The following C8orf34 variants were observed in gnomAD, a reference collection of about 807,000 sequenced individuals.
C8orf34 encodes uncharacterized protein C8orf34.
C8orf34 carries 65 observed loss-of-function variants against 68.3 expected under a neutral mutation model. The observed-to-expected ratio is 0.95, with a 90% CI of 0.78 to 1.17. The LOEUF (loss-of-function observed/expected upper bound fraction) is 1.17, where lower values mean the gene tolerates loss of function less well. Ranked by LOEUF, C8orf34 falls within the 50% of genes most tolerant of loss-of-function variation. The probability of loss-of-function intolerance (pLI) is 0.00; values close to 1 mark genes in which losing one functional copy is unlikely to be tolerated. For synonymous variants in C8orf34, 244 were observed against 241.2 expected (o/e 1.01, Z -0.11); for missense variants, 664 against 655.4 (o/e 1.01, Z -0.14).
At chr8:68,678,369 T>C (rs146903228) in intron 8 of C8orf34, among the ~76,000 whole-genome samples, 65 of 152,148 alleles carry the variant, frequency 4.3e-4, no homozygotes, top group Admixed American at 2.2e-3. Context: ...CAACAACACA[T>C]TAGAAAGATC....
chr8:68,740,961 T>C lies in C8orf34; in HGVS notation c.1404+19524T>C, dbSNP rs146807847. On this transcript the variant is annotated intron_variant, in intron 10 of 13. Transcript: ENST00000518698. ...GGATGGAGCTGGAGGCTATTATCCT[T>C]AGCATACTAATACAGGAACAGAAAG... 1.6e-4 allele frequency among the ~76,000 whole-genome samples: 25 copies of C among 152,262 alleles called. 1 individual carries two copies. The East Asian group carries it at 3.9e-3, about 24-fold the overall frequency.
At position 68,785,409 on chromosome 8, in the gene C8orf34, T is replaced by C. The variant is rs568587982; in HGVS notation, c.1456-2034T>C. 4.8e-3 allele frequency among the ~76,000 whole-genome samples: 537 copies of C among 112,570 alleles called. 3 individuals carry two copies. Among genetic ancestry groups the C allele is most frequent in the African/African-American group, 0.025 (443 of 18,002 alleles). The allele number at this position is 112,570 out of a possible 152,430, so 73.9% of individuals were successfully genotyped here. A position where few individuals can be genotyped will look rare whatever the true frequency, so the allele number is the denominator to read the frequency against. ...AGAAACCTGGCTCCCCTCATCCATT[T>C]ACTTTACTGTTTGTTCATTTCCAGA... On this transcript the variant is annotated intron_variant, in intron 11 of 13. Transcript: ENST00000518698.
chr8:68,561,138 A>G (rs1816411456), intron 7 of C8orf34, among the ~76,000 whole-genome samples: 1 of 151,664 alleles, frequency 6.6e-6, no homozygotes, highest in Non-Finnish European at 1.5e-5. Flanking sequence ...GCATGCCACC[A>G]CACCGGGCTA....
intron 8 of C8orf34, among the ~76,000 whole-genome samples, chr8:68,645,544 C>A (rs1399024659): frequency 6.6e-6 from 1 of 152,008 alleles, no homozygotes; most frequent in African/African-American, 2.4e-5. Flanking sequence ...TGTGAAGTGG[C>A]AATGTTTTTG....
rs116385297 is a variant in C8orf34 at position 68,452,310 on chromosome 8, C to A, written c.607+5850C>A. ...GGTTATATGATAATTCTATGTGTAA[C>A]TTCGAGGAGCTGCCAACTTTTTTTC... On this transcript the variant is annotated intron_variant, in intron 3 of 13. Transcript: ENST00000518698. Among the ~76,000 whole-genome samples, 868 of 151,092 alleles carry A rather than the reference C, an allele frequency of 5.7e-3. 7 individuals carry two copies. Among genetic ancestry groups the A allele is most frequent in the African/African-American group, 0.02 (813 of 41,296 alleles).
chr8:68,639,575 A>T (rs1444929895), intron 7 of C8orf34, among the ~76,000 whole-genome samples: 1 of 152,130 alleles, frequency 6.6e-6, no homozygotes, highest in Non-Finnish European at 1.5e-5. Context: ...TTTTTGTAAA[A>T]ATTATGATTT....
At chr8:68,369,402 G>T (rs982348158) in intron 1 of C8orf34, among the ~76,000 whole-genome samples, 1 of 152,202 alleles carries the variant, frequency 6.6e-6, no homozygotes, top group Non-Finnish European at 1.5e-5. Flanking sequence ...TCTATTTTAT[G>T]ACAGAATGCC....
In C8orf34 at chr8:68,818,534, T is replaced by G. The variant is rs1824887827; in HGVS notation, c.*288T>G. On this transcript the variant is annotated 3_prime_UTR_variant, in exon 14 of 14. Transcript: ENST00000518698. The stretch of plus-strand genomic sequence containing the variant: ...AATAGTTATTAAGATTAATATTTGA[T>G]ATATTAAATATTGCCTGATTCAAAT... The G allele has an allele frequency of 3.4e-6, 1 of 297,360 alleles. No homozygotes were observed. Among genetic ancestry groups the G allele is most frequent in the Admixed American group, 4.8e-5 (1 of 20,856 alleles). 18.4% of individuals were successfully genotyped at this position (297,360 alleles called of 1,614,324 possible).
chr8:68,650,443 T>C (rs1177529637), intron 8 of C8orf34, among the ~76,000 whole-genome samples: 1 of 150,730 alleles, frequency 6.6e-6, no homozygotes, highest in East Asian at 2.0e-4. Flanking sequence ...GTCATTTGCA[T>C]CGAGCGGGAA....
At chr8:68,649,178 CTA>C (rs1033368273) in intron 8 of C8orf34, among the ~76,000 whole-genome samples, 2 of 152,120 alleles carry the variant, frequency 1.3e-5, no homozygotes, top group Non-Finnish European at 2.9e-5. Flanking sequence ...CCTCCCAGGC[CTA>C]GAGGTGTAAA....
At chr8:68,802,654 A>G (rs947156582) in intron 12 of C8orf34, among the ~76,000 whole-genome samples, 2 of 151,942 alleles carry the variant, frequency 1.3e-5, no homozygotes, top group African/African-American at 4.8e-5. Context: ...GTATGCCACC[A>G]TGCCAGATAA....
At chr8:68,417,283 T>G (rs1336452634) in intron 1 of C8orf34, among the ~76,000 whole-genome samples, 1 of 152,298 alleles carries the variant, frequency 6.6e-6, no homozygotes, top group African/African-American at 2.4e-5. Context: ...TTAAGTTTAC[T>G]TTTAAGTCTC....
Position 68,585,588 on chromosome 8 carries a change from G to T in C8orf34, c.1105+52439G>T, listed in dbSNP as rs369099212. On this transcript the variant is annotated intron_variant, in intron 7 of 13. Transcript: ENST00000518698. ...TACTTATTATTTCACAGCTTGGGTG[G>T]GTCAGGAATTTGGGAGCAGCTTATC... Among the ~76,000 whole-genome samples the T allele has an allele frequency of 2.6e-5, 4 of 152,176 alleles. No individual in the cohort carries two copies. In the South Asian group the frequency reaches 6.2e-4, roughly 24 times the overall value.
intron 1 of C8orf34, among the ~76,000 whole-genome samples, chr8:68,333,602 C>A (rs931553388): frequency 6.6e-6 from 1 of 152,156 alleles, no homozygotes; most frequent in African/African-American, 2.4e-5. Flanking sequence ...AAAACCAGTG[C>A]CACCTGTGAA....
chr8:68,356,349 T>A (rs1806747467), intron 1 of C8orf34, among the ~76,000 whole-genome samples: 1 of 152,182 alleles, frequency 6.6e-6, no homozygotes, highest in African/African-American at 2.4e-5. Flanking sequence ...TTGGTACATA[T>A]TTATTGGGTA....
Position 68,459,649 on chromosome 8 carries a change from C to G in C8orf34, c.608-9043C>G, listed in dbSNP as rs147669812. ...GAACCACTATTGAATCCAGCAATCC[C>G]ACTACTGGGTATCTACCCAAAGAAA... On this transcript the variant is annotated intron_variant, in intron 3 of 13. Coordinates refer to ENST00000518698, the MANE Select transcript of C8orf34 (RefSeq NM_052958.4). Among the ~76,000 whole-genome samples the G allele has an allele frequency of 2.1e-3, 327 of 152,310 alleles. 1 individual carries two copies. Among genetic ancestry groups the G allele is most frequent in the African/African-American group, 7.1e-3 (294 of 41,574 alleles).
chr8:68,523,064 A>G (rs1814826855), intron 6 of C8orf34, among the ~76,000 whole-genome samples: 1 of 152,220 alleles, frequency 6.6e-6, no homozygotes, highest in Non-Finnish European at 1.5e-5. Flanking sequence ...AGGCCTACAG[A>G]AAATTGATTC....
intron 7 of C8orf34, among the ~76,000 whole-genome samples, chr8:68,551,911 T>C (rs1020289358): frequency 6.6e-6 from 1 of 152,192 alleles, no homozygotes; most frequent in African/African-American, 2.4e-5. Context: ...TGGTGTGAAA[T>C]ATGAATCCAA....
chr8:68,414,678 G>A (rs1809589952), intron 1 of C8orf34, among the ~76,000 whole-genome samples: 1 of 152,128 alleles, frequency 6.6e-6, no homozygotes, highest in African/African-American at 2.4e-5. Flanking sequence ...ACAGTAGGAT[G>A]AGGGTTGTCT....
Sources: gnomAD v4.1 joint callset for allele counts (sites outside exome capture counted in the v4.1 genomes callset) on GRCh38, gnomAD v4.1.1 for gene constraint, MANE v1.5 for transcripts, NCBI Gene and HGNC (gene_info 2026-07-23, HGNC 2026-07-21) for gene names.